PIK3C2A: variants seen among roughly 807,000 people sequenced by gnomAD.
PIK3C2A encodes the protein phosphatidylinositol-4-phosphate 3-kinase catalytic subunit type 2 alpha, also known as phosphatidylinositol 4-phosphate 3-kinase C2 domain-containing subunit alpha.
In PIK3C2A, 97 loss-of-function variants were observed where a neutral mutation model predicts 204.5. The observed-to-expected ratio is 0.47, with a 90% CI of 0.40 to 0.56. PIK3C2A has a LOEUF of 0.56. Ranked by LOEUF, PIK3C2A falls within the 20% of genes least tolerant of loss-of-function variation. The pLI is 0.00. For missense variants in PIK3C2A, 1,735 were observed against 1,969.2 expected, an observed-to-expected ratio of 0.88 and a Z score of 2.25; for synonymous variants, 653 against 664.4, an observed-to-expected ratio of 0.98 and a Z score of 0.26.
intron 16 of PIK3C2A, 30 bp downstream of exon 16, chr11:17,119,756 A>C: frequency 7.1e-7 from 1 of 1,410,528 alleles, no homozygotes; most frequent in African/African-American, 1.5e-5. Flanking sequence ...CTGACAATAA[A>C]ACAAGAGCAA....
intron 13 of PIK3C2A, among the ~76,000 whole-genome samples, chr11:17,127,986 C>T (rs1025498052): frequency 6.6e-6 from 1 of 152,152 alleles, no homozygotes; most frequent in Non-Finnish European, 1.5e-5. Flanking sequence ...CACATACTAG[C>T]TAAGTGCCCT....
rs1848273202 is a variant in PIK3C2A, at chr11:17,090,392, AGGAGG to A, written c.4879-477_4879-473del. Reference sequence around the variant, plus strand: ...TGAGGCAGGAGAATCACTTGAACTCAGGAGGCGGAGGTTGCAGTGAGCCAACATGG... The same window carrying A: ...TGAGGCAGGAGAATCACTTGAACTCACGGAGGTTGCAGTGAGCCAACATGG... On this transcript the variant is annotated intron_variant, in intron 32 of 32. Transcript: ENST00000691414. Among the ~76,000 whole-genome samples the A allele has an allele frequency of 1.1e-4, 16 of 152,320 alleles. No individual in the cohort carries two copies. In the South Asian group the frequency reaches 3.3e-3, roughly 32 times the overall value.
intron 15 of PIK3C2A, among the ~76,000 whole-genome samples, chr11:17,121,430 T>C (rs556573409): frequency 5.9e-5 from 9 of 152,306 alleles, no homozygotes; most frequent in Middle Eastern, 3.4e-3. Context: ...GAACAGTTTT[T>C]CAATAATCCA....
chr11:17,147,766 T>G, intron 5 of PIK3C2A, 138 bp from the exon 6 acceptor site: 1 of 582,266 alleles, frequency 1.7e-6, no homozygotes. Flanking sequence ...AGTCTGAGCA[T>G]TTAAACAGAG....
Position 17,101,326 on chromosome 11 carries a change from G to A in PIK3C2A, c.3960C>T (p.Tyr1320=). 1 of 1,583,654 alleles carries A rather than the reference G, an allele frequency of 6.3e-7. No homozygotes were observed. The change falls in exon 25 of 33, where the codon TAC becomes TAT. Residue 1320 remains tyrosine, a synonymous_variant. Transcript: ENST00000691414. Reference sequence around the variant, plus strand: ...GGTTTGTCTGCTTTCTTATCAAGTTGTAGGCCTGACAGCAGAGGTCCACAA... The same window carrying A: ...GGTTTGTCTGCTTTCTTATCAAGTTATAGGCCTGACAGCAGAGGTCCACAA... ...QLFVDLCCQA[Y]NLIRKQTNLF...
Position 17,129,469 on chromosome 11 carries a change from T to C in PIK3C2A, c.2232-2A>G. ...GATATCTGGATAGGAAAAATGATTC[T>C]ATGGGGGGAAAAATGTATTAATAGA... On this transcript the variant is annotated splice_acceptor_variant, in intron 12 of 32. Coordinates refer to ENST00000691414, the MANE Select transcript of PIK3C2A (RefSeq NM_002645.4). LOFTEE classifies it high-confidence loss of function. 2 of 1,581,532 alleles carry C rather than the reference T, an allele frequency of 1.3e-6. No individual in the cohort carries two copies. Among genetic ancestry groups the C allele is most frequent in the Non-Finnish European group, 1.7e-6 (2 of 1,153,648 alleles).
intron 11 of PIK3C2A, among the ~76,000 whole-genome samples, chr11:17,134,153 C>A (rs1849793360): frequency 6.6e-6 from 1 of 152,076 alleles, no homozygotes; most frequent in South Asian, 2.1e-4. Flanking sequence ...ACCAAGATAA[C>A]TGGTTGCTGA....
At chr11:17,200,164 C>T (rs905616608) in intron 1 of PIK3C2A, among the ~76,000 whole-genome samples, 8 of 150,028 alleles carry the variant, frequency 5.3e-5, no homozygotes, top group South Asian at 2.1e-4. Flanking sequence ...CCAGCCTGGG[C>T]GACAGAGCGA....
chr11:17,173,209 T>C (rs1851233531), intron 1 of PIK3C2A, among the ~76,000 whole-genome samples: 1 of 152,206 alleles, frequency 6.6e-6, no homozygotes, highest in African/African-American at 2.4e-5. Context: ...TTGCAGAACC[T>C]ACGGCTTCCA....
chr11:17,201,119 T>C (rs11606773), intron 1 of PIK3C2A, among the ~76,000 whole-genome samples: 17,699 of 151,880 alleles, frequency 0.12, 1,276 homozygotes, highest in Middle Eastern at 0.24. Context: ...GACAGGAAAA[T>C]CGCTTGAACC....
intron 3 of PIK3C2A, among the ~76,000 whole-genome samples, chr11:17,151,441 T>C (rs561021409): frequency 2.6e-5 from 4 of 152,308 alleles, no homozygotes; most frequent in East Asian, 1.9e-4. Context: ...AAGTATTGTA[T>C]ACTTGCTTCT....
At position 17,105,159 on chromosome 11, in the gene PIK3C2A, T is replaced by C; in HGVS notation, c.3681+10A>G. ...CAAAGCTTTTTAGAATGAGGAGACA[T>C]GCTAATTACCTTTTCATATTCTTCT... On this transcript the variant is annotated intron_variant, in intron 23 of 32. Coordinates refer to ENST00000691414, the MANE Select transcript of PIK3C2A (RefSeq NM_002645.4). 6.2e-7 allele frequency: 1 copy of C among 1,606,060 alleles called. No individual in the cohort carries two copies. Among genetic ancestry groups the C allele is most frequent in the Non-Finnish European group, 8.5e-7 (1 of 1,173,116 alleles).
intron 32 of PIK3C2A, among the ~76,000 whole-genome samples, chr11:17,090,609 G>C (rs963185705): frequency 7.2e-5 from 11 of 152,176 alleles, no homozygotes; most frequent in Non-Finnish European, 2.9e-5. Flanking sequence ...TCACACACTG[G>C]AAACGTAGTT....
At position 17,168,726 on chromosome 11, in the gene PIK3C2A, A is replaced by G; in HGVS notation, c.1016T>C (p.Leu339Ser). ...SVATVTRSQS[L>S]NIRTTQLAKA... ...TGCAAGCTGAGTTGTTCGAATATTTAAAGACTGGCTTCTTGTAACAGTTGC... is the reference window on the plus strand; with the variant it reads ...TGCAAGCTGAGTTGTTCGAATATTTGAAGACTGGCTTCTTGTAACAGTTGC... Residue 339 changes from leucine to serine, a missense_variant, in exon 2 of 33, where the codon TTA becomes TCA. By Grantham distance (145) the Leu-to-Ser change is moderately radical. Transcript: ENST00000691414. 6.2e-7 allele frequency: 1 copy of G among 1,608,752 alleles called. No individual in the cohort carries two copies. Among genetic ancestry groups the G allele is most frequent in the Non-Finnish European group, 8.5e-7 (1 of 1,177,754 alleles).
chr11:17,147,681 G>C (rs1850286917), intron 5 of PIK3C2A, 53 bp from the exon 6 acceptor site: 1 of 968,152 alleles, frequency 1.0e-6, no homozygotes, highest in Non-Finnish European at 1.6e-6. Flanking sequence ...AAATTATAAA[G>C]GTGAGGGTAA....
rs752440731 is a variant in PIK3C2A at position 17,122,218 on chromosome 11, A to C, written c.2627T>G (p.Leu876Arg). 2 of 1,583,602 alleles carry C rather than the reference A, an allele frequency of 1.3e-6. No individual in the cohort carries two copies. The highest frequency in any genetic ancestry group is 4.5e-5 in the East Asian group (2 of 44,538). Residue 876 changes from leucine (L) to arginine (R), a missense_variant, in exon 15 of 33, where the codon CTT becomes CGT. Coordinates refer to ENST00000691414, the MANE Select transcript of PIK3C2A (RefSeq NM_002645.4). The part of the protein sequence containing the change: ...TLENDIKGKL[L>R]DILHKDSSLG... ...TGATGAGTCTTTATGAAGAATATCA[A>C]GAAGTTTCCCTTTTATATCATTCTC... is the stretch of plus-strand genomic sequence containing the variant.
At chr11:17,147,697 A>G in intron 5 of PIK3C2A, 69 bp from the exon 6 acceptor site, 1 of 763,306 alleles carries the variant, frequency 1.3e-6, no homozygotes, top group Admixed American at 2.3e-5. Flanking sequence ...GGTAAAATTT[A>G]AATTGCACCT....
chr11:17,115,854 C>T (rs189279929), intron 19 of PIK3C2A: 16 of 152,234 alleles, frequency 1.1e-4, no homozygotes, highest in Admixed American at 1.0e-3. Context: ...AACTGGATAA[C>T]CTCATTCAAA....
At chr11:17,195,338 G>A (rs981233859) in intron 1 of PIK3C2A, among the ~76,000 whole-genome samples, 6 of 151,662 alleles carry the variant, frequency 4.0e-5, no homozygotes, top group African/African-American at 7.3e-5. Flanking sequence ...GCTGGAATCC[G>A]GGAGGCAGAG....
Sources: allele counts gnomAD v4.1 joint callset (sites outside exome capture counted in the v4.1 genomes callset), GRCh38; gene constraint gnomAD v4.1.1; transcripts MANE v1.5; gene names NCBI Gene and HGNC (gene_info 2026-07-23, HGNC 2026-07-21).